The following PHF24 variants were observed in gnomAD, a reference collection of about 807,000 sequenced individuals.
PHF24 encodes the protein PHD finger protein 24.
Under a neutral mutation model 42.6 loss-of-function variants are expected in PHF24, and 25 were observed. The observed-to-expected ratio is 0.59, with a 90% CI of 0.43 to 0.82. The LOEUF (loss-of-function observed/expected upper bound fraction) is 0.82, where lower values mean the gene tolerates loss of function less well. Among genes scored for constraint, PHF24 ranks in the 40% least tolerant of loss-of-function variants. PHF24 has a pLI of 0.00. For synonymous variants in PHF24, 185 were observed against 204.8 expected, an observed-to-expected ratio of 0.90 and a Z score of 0.83; for missense variants, 470 against 538.1, an observed-to-expected ratio of 0.87 and a Z score of 1.25.
the PHF24 span, chr9:34,726,437 A>G: frequency 6.4e-7 from 1 of 1,551,042 alleles, no homozygotes; most frequent in South Asian, 1.2e-5. Flanking sequence ...CATCCGGTTC[A>G]GGGTTTCTGG....
the PHF24 span, among the ~76,000 whole-genome samples, chr9:34,811,759 A>G: frequency 6.6e-6 from 1 of 152,242 alleles, no homozygotes; most frequent in African/African-American, 2.4e-5. Flanking sequence ...TTAGATTTTG[A>G]TACCAAAAGC....
At chr9:34,896,011 T>G in the PHF24 span, among the ~76,000 whole-genome samples, 1 of 152,192 alleles carries the variant, frequency 6.6e-6, no homozygotes, top group South Asian at 2.1e-4. Context: ...AACATGTACC[T>G]TTTCATGTTC....
exon 2 of PHF24, chr9:34,971,576 T>G (rs1826986021): frequency 6.2e-7 from 1 of 1,613,678 alleles, no homozygotes; most frequent in African/African-American, 1.3e-5. Context: ...CCTGAGGAGT[T>G]TGACAGGACA....
At chr9:34,820,231 TA>T in the PHF24 span, among the ~76,000 whole-genome samples, 3 of 151,374 alleles carry the variant, frequency 2.0e-5, no homozygotes, top group Non-Finnish European at 2.9e-5. Context: ...TTTCTTTTTT[TA>T]AAAAAACTCT....
chr9:34,816,582 C>T, the PHF24 span, among the ~76,000 whole-genome samples: 2 of 152,106 alleles, frequency 1.3e-5, no homozygotes, highest in Non-Finnish European at 2.9e-5. Context: ...AGTGCCTTCT[C>T]GCTGTGTCCT....
At chr9:34,665,640 T>A in the PHF24 span, 1 of 700,998 alleles carries the variant, frequency 1.4e-6, no homozygotes, top group Non-Finnish European at 2.6e-6. Flanking sequence ...CGCCACCTCG[T>A]ATCTCCTCAT....
the PHF24 span, among the ~76,000 whole-genome samples, chr9:34,867,647 A>G: frequency 6.6e-6 from 1 of 152,172 alleles, no homozygotes; most frequent in Non-Finnish European, 1.5e-5. Context: ...GGTTTTTGTT[A>G]AAAGTCTCAG....
At chr9:34,857,492 A>G in the PHF24 span, among the ~76,000 whole-genome samples, 1 of 152,162 alleles carries the variant, frequency 6.6e-6, no homozygotes, top group Admixed American at 6.5e-5. Context: ...TGGGAAAAGC[A>G]TGGTTTCCCA....
At chr9:34,732,282 G>A in the PHF24 span, among the ~76,000 whole-genome samples, 1,075 of 152,064 alleles carry the variant, frequency 7.1e-3, 14 homozygotes, top group African/African-American at 0.025. Context: ...CCTGTCTTTT[G>A]GATAAAAGCC....
the PHF24 span, among the ~76,000 whole-genome samples, chr9:34,797,656 G>A: frequency 6.6e-6 from 1 of 151,678 alleles, no homozygotes; most frequent in African/African-American, 2.4e-5. Context: ...CTAGCTGCTC[G>A]TGTCTTTTTC....
At chr9:34,878,677 G>A in the PHF24 span, among the ~76,000 whole-genome samples, 81 of 152,332 alleles carry the variant, frequency 5.3e-4, 1 homozygote, top group African/African-American at 1.3e-3. Context: ...AGGGGCGTCC[G>A]CCATTGCTGA....
At chr9:34,709,359 G>A in the PHF24 span, 1 of 1,604,338 alleles carries the variant, frequency 6.2e-7, no homozygotes, top group Non-Finnish European at 8.5e-7. Flanking sequence ...TGGTGAGGCT[G>A]GTGGGGTCTC....
chr9:34,684,235 T>A, the PHF24 span, among the ~76,000 whole-genome samples: 1 of 152,188 alleles, frequency 6.6e-6, no homozygotes, highest in Non-Finnish European at 1.5e-5. Context: ...GCACCTAGAA[T>A]AGTGCCTGGA....
the PHF24 span, among the ~76,000 whole-genome samples, chr9:34,682,872 G>A: frequency 1.3e-5 from 2 of 152,116 alleles, no homozygotes; most frequent in Non-Finnish European, 2.9e-5. Context: ...ATTTTACAGG[G>A]GCAGCTGTAG....
chr9:34,882,337 A>C, the PHF24 span, among the ~76,000 whole-genome samples: 3 of 152,298 alleles, frequency 2.0e-5, no homozygotes, highest in South Asian at 2.1e-4. Flanking sequence ...ACTCCTATTC[A>C]ACATAGTGTT....
chr9:34,861,332 T>G, the PHF24 span, among the ~76,000 whole-genome samples: 2 of 152,200 alleles, frequency 1.3e-5, no homozygotes, highest in Non-Finnish European at 2.9e-5. Flanking sequence ...TAGAACTACT[T>G]TAGACCTAGA....
the PHF24 span, among the ~76,000 whole-genome samples, chr9:34,896,382 AAAG>A: frequency 2.0e-5 from 3 of 152,234 alleles, no homozygotes; most frequent in African/African-American, 4.8e-5. Context: ...TCTGAGAGTT[AAAG>A]AAGGACTTCT....
chr9:34,899,938 C>T, the PHF24 span, among the ~76,000 whole-genome samples: 1 of 152,028 alleles, frequency 6.6e-6, no homozygotes, highest in South Asian at 2.1e-4. Flanking sequence ...ATGCAGAGTC[C>T]AGCAACCTCT....
chr9:34,877,315 C>T, the PHF24 span, among the ~76,000 whole-genome samples: 6 of 151,380 alleles, frequency 4.0e-5, no homozygotes, highest in Middle Eastern at 3.4e-3. Flanking sequence ...AATTCTGACA[C>T]GTTCAACATG....
Sources: allele counts gnomAD v4.1 joint callset (sites outside exome capture counted in the v4.1 genomes callset), GRCh38; gene constraint gnomAD v4.1.1; transcripts MANE v1.5; gene names NCBI Gene and HGNC (gene_info 2026-07-23, HGNC 2026-07-21).